Variants in STEAP3 observed in about 807,000 individuals in gnomAD.
STEAP3 encodes the protein STEAP3 metalloreductase, also known as metalloreductase STEAP3.
In STEAP3, 35 loss-of-function variants were observed where a neutral mutation model predicts 34.9. The ratio of observed to expected loss-of-function variants is 1.00; its 90% CI spans 0.76 to 1.33. The LOEUF (loss-of-function observed/expected upper bound fraction) is 1.33. STEAP3 is among the 40% of genes most tolerant of loss of function. The pLI, the probability that STEAP3 is intolerant of heterozygous loss-of-function variation, is 0.00. For missense variants in STEAP3, 652 were observed against 667.6 expected (o/e 0.98, Z 0.26); for synonymous variants, 281 against 301.6 (o/e 0.93, Z 0.71).
At chr2:119,246,063 G>C in intron 3 of STEAP3, 75 bp downstream of exon 3, 1 of 1,522,632 alleles carries the variant, frequency 6.6e-7, no homozygotes, top group Non-Finnish European at 8.8e-7. Flanking sequence ...CTGCCAGCAT[G>C]CTCTTTTTGA....
intron 5 of STEAP3, among the ~76,000 whole-genome samples, chr2:119,255,788 C>A (rs1001971639): frequency 1.3e-5 from 2 of 151,888 alleles, no homozygotes; most frequent in African/African-American, 4.8e-5. Context: ...CTGGGAAATG[C>A]TGCTAGTGGC....
At chr2:119,254,070 T>C (rs74863338) in intron 4 of STEAP3, among the ~76,000 whole-genome samples, 8,434 of 152,032 alleles carry the variant, frequency 0.055, 281 homozygotes, top group South Asian at 0.085. Context: ...AGTGTCTGTA[T>C]GTGTCTTTGT....
rs114819483 is a variant in STEAP3 at position 119,243,990 on chromosome 2, C to T, written c.23-1499C>T. On this transcript the variant is annotated intron_variant, in intron 2 of 5. Transcript: ENST00000393110. ...GCTTCAGGGCAGGGGATCTTAAGCC[C>T]TGTGGAACTGTAGGCTGGTGAAGCT... Among the ~76,000 whole-genome samples, 413 of 152,302 alleles carry T rather than the reference C, an allele frequency of 2.7e-3. 1 individual carries two copies. Among genetic ancestry groups the T allele is most frequent in the African/African-American group, 9.6e-3 (399 of 41,574 alleles).
intron 2 of STEAP3, among the ~76,000 whole-genome samples, chr2:119,235,101 C>T (rs1677056202): frequency 1.3e-5 from 2 of 152,184 alleles, no homozygotes; most frequent in Non-Finnish European, 2.9e-5. Flanking sequence ...TCCCCAAGAT[C>T]TTCATGGTCC....
chr2:119,260,627 CT>C (rs1390834806), intron 5 of STEAP3, among the ~76,000 whole-genome samples: 1 of 152,152 alleles, frequency 6.6e-6, no homozygotes, highest in African/African-American at 2.4e-5. Flanking sequence ...GTGCTGGGGA[CT>C]TTTTTAACCA....
intron 1 of STEAP3, among the ~76,000 whole-genome samples, chr2:119,224,616 G>C (rs756664520): frequency 2.0e-5 from 3 of 152,318 alleles, no homozygotes; most frequent in Admixed American, 6.5e-5. Flanking sequence ...CCAGAAAGCC[G>C]GATCCGTGGG....
chr2:119,260,624 G>A lies in STEAP3; in HGVS notation c.1216-2433G>A, dbSNP rs57469187. ...ACTTATTCTTGATGGTCAGTGCTGG[G>A]GACTTTTTTAACCACAGTCTTCCAC... On this transcript the variant is annotated intron_variant, in intron 5 of 5. Coordinates refer to ENST00000393110, the MANE Select transcript of STEAP3 (RefSeq NM_182915.3). 1.4e-3 allele frequency among the ~76,000 whole-genome samples: 220 copies of A among 152,274 alleles called. 2 individuals carry two copies. Among genetic ancestry groups the A allele is most frequent in the Middle Eastern group, 6.8e-3 (2 of 294 alleles).
chr2:119,262,812 G>A (rs1039452849), intron 5 of STEAP3, among the ~76,000 whole-genome samples: 4 of 152,154 alleles, frequency 2.6e-5, no homozygotes, highest in African/African-American at 7.2e-5. Flanking sequence ...GAATTGGTGG[G>A]TCCTTAGACA....
At chr2:119,237,237 T>G (rs1319523210) in intron 2 of STEAP3, among the ~76,000 whole-genome samples, 2 of 151,920 alleles carry the variant, frequency 1.3e-5, no homozygotes, top group Non-Finnish European at 2.9e-5. Flanking sequence ...AGCAGAGGAG[T>G]GGATTCATAT....
In STEAP3 at chr2:119,264,667, AG is replaced by A. The variant is rs1678052042; in HGVS notation, c.*1330del. The A allele has an allele frequency of 6.6e-6, 1 of 152,266 alleles. No homozygotes were observed. The highest frequency in any genetic ancestry group is 1.5e-5 in the Non-Finnish European group (1 of 68,108). The allele number at this position is 152,266 out of a possible 1,614,324, so 9.4% of individuals were successfully genotyped here. A position where few individuals can be genotyped will look rare whatever the true frequency, so the allele number is the denominator to read the frequency against. The stretch of plus-strand genomic sequence containing the variant: ...CTGCAGAACCAGGTTGATCTGCCAC[AG>A]AAAAAGCATCTTTGAAGACAAAGAG... On this transcript the variant is annotated 3_prime_UTR_variant, in exon 6 of 6. Coordinates refer to ENST00000393110, the MANE Select transcript of STEAP3 (RefSeq NM_182915.3).
At chr2:119,250,527 C>T (rs1215332664) in intron 4 of STEAP3, among the ~76,000 whole-genome samples, 1 of 152,196 alleles carries the variant, frequency 6.6e-6, no homozygotes, top group Non-Finnish European at 1.5e-5. Flanking sequence ...GCGGGGCTCC[C>T]TGGGGACTAG....
At chr2:119,245,089 G>A (rs370605598) in intron 2 of STEAP3, 4 of 188,726 alleles carry the variant, frequency 2.1e-5, no homozygotes, top group African/African-American at 4.6e-5. Context: ...GCGATGGTGA[G>A]GTTGGGGTTA....
At chr2:119,226,923 T>C (rs1679059212) in intron 1 of STEAP3, among the ~76,000 whole-genome samples, 1 of 152,104 alleles carries the variant, frequency 6.6e-6, no homozygotes, top group Non-Finnish European at 1.5e-5. Flanking sequence ...CCCCAACCTC[T>C]TTTTTTCCAC....
At chr2:119,237,978 AC>A (rs1205809263) in intron 2 of STEAP3, among the ~76,000 whole-genome samples, 2 of 152,178 alleles carry the variant, frequency 1.3e-5, no homozygotes, top group African/African-American at 4.8e-5. Context: ...TTCAAGGTTC[AC>A]CCCTGTTGGA....
In STEAP3 at chr2:119,247,720, C is replaced by A; in HGVS notation, c.564C>A (p.Val188=). 6.4e-7 allele frequency: 1 copy of A among 1,571,182 alleles called. No individual in the cohort carries two copies. The highest frequency in any genetic ancestry group is 1.2e-5 in the South Asian group (1 of 85,194). The change falls in exon 4 of 6, where the codon GTC becomes GTA. Residue 188 remains valine, a synonymous_variant. Coordinates refer to ENST00000393110, the MANE Select transcript of STEAP3 (RefSeq NM_182915.3). ...CGDQPEAKRA[V]SEMALAMGFM... is the part of the protein sequence containing the mutation. ...ACCAGCCAGAAGCCAAGCGTGCTGT[C>A]TCGGAGATGGCGCTCGCCATGGGCT... is the stretch of plus-strand genomic sequence containing the variant.
At position 119,243,035 on chromosome 2, in the gene STEAP3, C is replaced by A. The variant is rs6728660; in HGVS notation, c.23-2454C>A. Among the ~76,000 whole-genome samples, 8 of 152,138 alleles carry A rather than the reference C, an allele frequency of 5.3e-5. No individual in the cohort carries two copies. In the South Asian group the frequency reaches 8.3e-4, roughly 16 times the overall value. ...CTATTCACAGGGTGGCTGTGCCTGG[C>A]GTGAGTGTCTTGGCGGGTGCCTGCA... On this transcript the variant is annotated intron_variant, in intron 2 of 5. Transcript: ENST00000393110.
intron 4 of STEAP3, among the ~76,000 whole-genome samples, chr2:119,252,712 G>A (rs1021299427): frequency 1.3e-5 from 2 of 152,166 alleles, no homozygotes; most frequent in African/African-American, 4.8e-5. Flanking sequence ...CAACACTGTG[G>A]TTTAATAGGC....
In STEAP3 at chr2:119,254,889, C is replaced by A. The variant is rs367698220; in HGVS notation, c.1215+41C>A. On this transcript the variant is annotated intron_variant, in intron 5 of 5. Transcript: ENST00000393110. The stretch of plus-strand genomic sequence containing the variant: ...GTCTGCCAGCCAGCTTCAGCGTGGC[C>A]CTGGCCCACCTCTCATGAGTAAGTG... 6 of 1,596,324 alleles carry A rather than the reference C, an allele frequency of 3.8e-6. No individual in the cohort carries two copies. The African/African-American group carries it at 8.0e-5, about 21-fold the overall frequency.
chr2:119,234,673 G>A (rs888562856), intron 2 of STEAP3, among the ~76,000 whole-genome samples: 3 of 152,226 alleles, frequency 2.0e-5, no homozygotes, highest in African/African-American at 7.2e-5. Flanking sequence ...ATTTGTCAGA[G>A]GAGGTTTGGC....
Sources: gnomAD v4.1 joint callset for allele counts (sites outside exome capture counted in the v4.1 genomes callset) on GRCh38, gnomAD v4.1.1 for gene constraint, MANE v1.5 for transcripts, NCBI Gene and HGNC (gene_info 2026-07-23, HGNC 2026-07-21) for gene names.